The following USP37 variants were observed in gnomAD, a reference collection of about 807,000 sequenced individuals.
The protein encoded by USP37 is ubiquitin carboxyl-terminal hydrolase 37.
USP37 carries 27 observed loss-of-function variants against 124.0 expected under a neutral mutation model. The observed-to-expected ratio is 0.22, with a 90% CI of 0.16 to 0.30. The LOEUF is 0.30. USP37 is among the 10% of genes least tolerant of loss of function. The pLI, the probability that USP37 is intolerant of heterozygous loss-of-function variation, is 1.00. For synonymous variants in USP37, 365 were observed against 388.0 expected, an observed-to-expected ratio of 0.94 and a Z score of 0.70; for missense variants, 889 against 1,140.4, an observed-to-expected ratio of 0.78 and a Z score of 3.17.
intron 3 of USP37, 59 bp from the exon 4 acceptor site, chr2:218,558,736 A>AT: frequency 6.2e-6 from 8 of 1,295,144 alleles, no homozygotes; most frequent in Non-Finnish European, 7.4e-6. Context: ...GAAAAATAAG[A>AT]TAAGTTATAA....
chr2:218,536,081 T>C (rs1420018655), intron 8 of USP37, among the ~76,000 whole-genome samples: 1 of 148,070 alleles, frequency 6.8e-6, no homozygotes, highest in African/African-American at 2.5e-5. Flanking sequence ...GTATTCCACA[T>C]GAATAGCAAT....
intron 4 of USP37, among the ~76,000 whole-genome samples, chr2:218,557,227 G>A (rs1468047616): frequency 1.3e-5 from 2 of 152,100 alleles, no homozygotes; most frequent in Admixed American, 6.6e-5. Context: ...AACGAATGCT[G>A]AATGTAAACT....
At chr2:218,500,387 G>A (rs1056824087) in intron 11 of USP37, among the ~76,000 whole-genome samples, 1 of 152,080 alleles carries the variant, frequency 6.6e-6, no homozygotes, top group Non-Finnish European at 1.5e-5. Context: ...AGCCTCCTGA[G>A]TAGCTGGGAT....
chr2:218,461,921 C>T (rs1009282272), intron 22 of USP37, among the ~76,000 whole-genome samples: 1 of 152,144 alleles, frequency 6.6e-6, no homozygotes, highest in Admixed American at 6.5e-5. Context: ...CTTTGGGAGG[C>T]CAACGCAGGT....
intron 14 of USP37, among the ~76,000 whole-genome samples, chr2:218,494,076 TC>T (rs1688944938): frequency 6.6e-6 from 1 of 152,202 alleles, no homozygotes; most frequent in African/African-American, 2.4e-5. Context: ...ACTTGCAAGA[TC>T]CGGATATTTT....
intron 14 of USP37, among the ~76,000 whole-genome samples, chr2:218,493,306 C>A (rs1201529191): frequency 6.6e-6 from 1 of 152,190 alleles, no homozygotes; most frequent in Non-Finnish European, 1.5e-5. Flanking sequence ...ACCCAGCTGG[C>A]ACAACCTGCC....
intron 14 of USP37, among the ~76,000 whole-genome samples, chr2:218,490,393 T>C (rs572627702): frequency 1.3e-5 from 2 of 152,338 alleles, no homozygotes; most frequent in African/African-American, 2.4e-5. Context: ...GATACTTCTA[T>C]TAGGCAGCAG....
At chr2:218,489,880 C>T (rs1691829289) in intron 14 of USP37, among the ~76,000 whole-genome samples, 2 of 152,108 alleles carry the variant, frequency 1.3e-5, no homozygotes, top group Non-Finnish European at 2.9e-5. Flanking sequence ...TTAGTTGGCC[C>T]CTCTTTTGTT....
intron 22 of USP37, among the ~76,000 whole-genome samples, chr2:218,461,274 G>A (rs987755815): frequency 5.9e-5 from 9 of 151,982 alleles, no homozygotes; most frequent in Non-Finnish European, 8.8e-5. Context: ...TTGGGAGGCC[G>A]AGGCAGGTGG....
chr2:218,527,426 T>G (rs1691040994), intron 10 of USP37, among the ~76,000 whole-genome samples: 1 of 152,208 alleles, frequency 6.6e-6, no homozygotes, highest in Non-Finnish European at 1.5e-5. Context: ...TAATTTACAT[T>G]TAGTTCCCAA....
chr2:218,506,415 T>C (rs947871462), intron 11 of USP37, among the ~76,000 whole-genome samples: 2 of 147,710 alleles, frequency 1.4e-5, no homozygotes, highest in African/African-American at 5.0e-5. Flanking sequence ...TTCAGCCTCC[T>C]GAGTAGCTGG....
chr2:218,452,565 G>A lies in USP37; in HGVS notation c.*2365C>T, dbSNP rs1559154110. ...TAAAATTTGAGTCCCAAACATGCAA[G>A]TACATGAGCAGTGAGATAACTTATA... On this transcript the variant is annotated 3_prime_UTR_variant, in exon 26 of 26. Transcript: ENST00000258399. The A allele has an allele frequency of 6.6e-6, 1 of 152,238 alleles. No individual in the cohort carries two copies. Among genetic ancestry groups the A allele is most frequent in the South Asian group, 2.1e-4 (1 of 4,828 alleles). 9.4% of individuals were successfully genotyped at this position (152,238 alleles called of 1,614,324 possible).
At chr2:218,516,321 A>T (rs1422337003) in intron 10 of USP37, among the ~76,000 whole-genome samples, 1 of 152,228 alleles carries the variant, frequency 6.6e-6, no homozygotes, top group Non-Finnish European at 1.5e-5. Flanking sequence ...GATAAATAAG[A>T]AAATGTGGCA....
intron 8 of USP37, among the ~76,000 whole-genome samples, chr2:218,538,927 A>C (rs1691811920): frequency 6.6e-6 from 1 of 152,182 alleles, no homozygotes; most frequent in Non-Finnish European, 1.5e-5. Flanking sequence ...AACTGGAACA[A>C]ATTCTGTTCA....
chr2:218,474,681 C>T lies in USP37; in HGVS notation c.2248G>A (p.Glu750Lys). The T allele has an allele frequency of 1.9e-6, 3 of 1,614,174 alleles. No individual in the cohort carries two copies. The highest frequency in any genetic ancestry group is 2.5e-6 in the Non-Finnish European group (3 of 1,180,028). The change falls in exon 20 of 26, where the codon GAA (glutamate) becomes AAA (lysine). Residue 750 changes from glutamate (E) to lysine (K), a missense_variant. Glu to Lys is a moderately conservative substitution (Grantham distance 56, BLOSUM62 1). Transcript: ENST00000258399. ...TCAGTTTCCATAGTGTCTGGATTTT[C>T]TGGCATTTCTTGAATATCATCTTCT... Reference protein sequence around the residue: ...FAEDDIQEMPENPDTMETEKP... With the variant: ...FAEDDIQEMPKNPDTMETEKP...
chr2:218,546,929 G>A lies in USP37; in HGVS notation c.592C>T (p.Leu198=), dbSNP rs73077126. 5.8e-3 allele frequency: 9,255 copies of A among 1,607,880 alleles called. 415 individuals carry two copies. In the African/African-American group the frequency reaches 0.1, roughly 18 times the overall value. ...STSTPLRSGL[L]ENRTEKRKRM... is the part of the protein sequence containing the mutation. ...AAAAGTCTCTCCTACCGATTTTCTA[G>A]CAACCCTGATCTAAGAGGTGTTGAA... Residue 198 remains leucine (L), a synonymous_variant, in exon 7 of 26, where the codon CTA becomes TTA. Transcript: ENST00000258399.
chr2:218,553,770 T>A, intron 4 of USP37, 46 bp from the exon 5 acceptor site: 1 of 1,542,920 alleles, frequency 6.5e-7, no homozygotes, highest in South Asian at 1.2e-5. Context: ...GTATGACAAC[T>A]AAGTATAACA....
intron 1 of USP37, among the ~76,000 whole-genome samples, chr2:218,563,710 C>T (rs934156047): frequency 6.6e-6 from 1 of 152,144 alleles, no homozygotes; most frequent in Admixed American, 6.6e-5. Flanking sequence ...TTTCAAGGCA[C>T]CCTGGTAGGC....
chr2:218,475,669 G>A (rs1690929203), intron 19 of USP37, among the ~76,000 whole-genome samples: 1 of 152,196 alleles, frequency 6.6e-6, no homozygotes, highest in Non-Finnish European at 1.5e-5. Flanking sequence ...GGTGGAGGAT[G>A]CAGCAAGCTA....
Sources: allele counts gnomAD v4.1 joint callset (sites outside exome capture counted in the v4.1 genomes callset), GRCh38; gene constraint gnomAD v4.1.1; transcripts MANE v1.5; gene names NCBI Gene and HGNC (gene_info 2026-07-23, HGNC 2026-07-21).